Variants in MINDY3 observed in about 807,000 individuals in gnomAD.
MINDY3 encodes MINDY lysine 48 deubiquitinase 3, also known as ubiquitin carboxyl-terminal hydrolase MINDY-3.
In MINDY3, 38 loss-of-function variants were observed where a neutral mutation model predicts 69.2. The observed-to-expected ratio is 0.55, with a 90% CI of 0.42 to 0.72. MINDY3 has a LOEUF of 0.72. Ranked by LOEUF, MINDY3 falls within the 30% of genes least tolerant of loss-of-function variation. The probability of loss-of-function intolerance (pLI) is 0.00; values close to 1 mark genes in which losing one functional copy is unlikely to be tolerated. For missense variants in MINDY3, 522 were observed against 519.0 expected (o/e 1.01, Z -0.06); for synonymous variants, 192 against 180.1 (o/e 1.07, Z -0.53).
intron 1 of MINDY3, among the ~76,000 whole-genome samples, chr10:15,857,585 G>A (rs1249516169): frequency 1.3e-5 from 2 of 151,516 alleles, no homozygotes; most frequent in Admixed American, 1.3e-4. Flanking sequence ...GGAAAGCAGA[G>A]AGAAGAATAA....
At chr10:15,830,256 T>C (rs946483506) in intron 8 of MINDY3, among the ~76,000 whole-genome samples, 3 of 152,208 alleles carry the variant, frequency 2.0e-5, no homozygotes, top group Non-Finnish European at 2.9e-5. Flanking sequence ...GAACCAGTTG[T>C]TGATAAGAGT....
intron 2 of MINDY3, among the ~76,000 whole-genome samples, chr10:15,845,528 C>A (rs1833770298): frequency 6.6e-6 from 1 of 152,056 alleles, no homozygotes; most frequent in African/African-American, 2.4e-5. Context: ...GAAACAGGGT[C>A]TCCCTCTATT....
rs148868668 is a variant in MINDY3, at chr10:15,836,170, T to C, written c.576+1034A>G. On this transcript the variant is annotated intron_variant, in intron 6 of 14. Transcript: ENST00000277632. ...TATGCTACAGTAAGGCTCAACTACT[T>C]AGAGCTCCCCAAACCTGCATTATAC... Among the ~76,000 whole-genome samples the C allele has an allele frequency of 1.9e-3, 292 of 152,108 alleles. 9 individuals carry two copies. The South Asian group carries it at 0.051, about 27-fold the overall frequency.
At chr10:15,848,031 T>A in intron 1 of MINDY3, 88 bp from the exon 2 acceptor site, 2 of 1,033,546 alleles carry the variant, frequency 1.9e-6, no homozygotes, top group South Asian at 1.3e-5. Context: ...TTGAGAATGA[T>A]CACTTATCAC....
Position 15,787,667 on chromosome 10 carries a change from C to G in MINDY3, c.1029-1019G>C, listed in dbSNP as rs116610819. ...GACATAGCCATCTCTCCCGGAAACA[C>G]CTGGGTCAGGCTGCCTCACAGACCT... On this transcript the variant is annotated intron_variant, in intron 12 of 14. Coordinates refer to ENST00000277632, the MANE Select transcript of MINDY3 (RefSeq NM_024948.4). 3.0e-3 allele frequency among the ~76,000 whole-genome samples: 460 copies of G among 152,264 alleles called. 5 individuals are homozygous for G. The highest frequency in any genetic ancestry group is 0.011 in the African/African-American group (442 of 41,566).
chr10:15,791,340 CAACT>C (rs1307658512), intron 11 of MINDY3, among the ~76,000 whole-genome samples: 3 of 151,842 alleles, frequency 2.0e-5, no homozygotes, highest in Non-Finnish European at 2.9e-5. Context: ...GACATTTCAC[CAACT>C]GACTCCCTAG....
At chr10:15,817,661 T>C (rs1386570100) in intron 9 of MINDY3, 2 of 152,366 alleles carry the variant, frequency 1.3e-5, no homozygotes, top group East Asian at 3.9e-4. Flanking sequence ...TCCACTCTCA[T>C]ATGAAGACAG....
intron 12 of MINDY3, among the ~76,000 whole-genome samples, chr10:15,788,308 T>C (rs1214418989): frequency 2.6e-5 from 4 of 152,138 alleles, no homozygotes; most frequent in African/African-American, 9.7e-5. Context: ...TTTCTAACTA[T>C]TGAGAATGGA....
chr10:15,859,929 G>C (rs1015074492), intron 1 of MINDY3, among the ~76,000 whole-genome samples: 13 of 152,212 alleles, frequency 8.5e-5, no homozygotes, highest in African/African-American at 3.1e-4. Flanking sequence ...CTGCAACCCA[G>C]CAAGGGGCCA....
At chr10:15,783,887 T>G (rs570989878) in intron 13 of MINDY3, among the ~76,000 whole-genome samples, 9 of 152,298 alleles carry the variant, frequency 5.9e-5, no homozygotes, top group Admixed American at 5.9e-4. Flanking sequence ...ATATTCCCTA[T>G]TTCCAGTAAT....
intron 11 of MINDY3, among the ~76,000 whole-genome samples, chr10:15,789,774 T>C (rs1837274591): frequency 6.6e-6 from 1 of 152,124 alleles, no homozygotes; most frequent in Admixed American, 6.6e-5. Context: ...CACTGATACT[T>C]AGACAACTGA....
intron 10 of MINDY3, among the ~76,000 whole-genome samples, chr10:15,805,409 C>T (rs945084816): frequency 3.3e-5 from 5 of 152,090 alleles, no homozygotes; most frequent in Non-Finnish European, 7.4e-5. Context: ...AATAGTTATA[C>T]TGGTAATACA....
At chr10:15,827,430 A>G (rs1212009980) in intron 8 of MINDY3, among the ~76,000 whole-genome samples, 1 of 151,702 alleles carries the variant, frequency 6.6e-6, no homozygotes, top group African/African-American at 2.4e-5. Context: ...AATCCCAGCT[A>G]CTCGGGAGGC....
intron 8 of MINDY3, among the ~76,000 whole-genome samples, chr10:15,827,941 C>T (rs1033601962): frequency 1.3e-5 from 2 of 152,182 alleles, no homozygotes; most frequent in Non-Finnish European, 2.9e-5. Context: ...CTCTCCTACA[C>T]ACTTCAAAGA....
At chr10:15,842,171 C>G (rs1450128083) in intron 3 of MINDY3, among the ~76,000 whole-genome samples, 29 of 151,770 alleles carry the variant, frequency 1.9e-4, no homozygotes, top group Admixed American at 1.9e-3. Flanking sequence ...CTCAGACCAT[C>G]TCTTTATGAA....
chr10:15,853,043 T>C (rs1201504119), intron 1 of MINDY3, among the ~76,000 whole-genome samples: 1 of 152,008 alleles, frequency 6.6e-6, no homozygotes, highest in Non-Finnish European at 1.5e-5. Flanking sequence ...TCTATGGATT[T>C]TGGTATCTGC....
At position 15,837,288 on chromosome 10, in the gene MINDY3, T is replaced by C; in HGVS notation, c.492A>G (p.Leu164=). 6.2e-7 allele frequency: 1 copy of C among 1,605,334 alleles called. No homozygotes were observed. Among genetic ancestry groups the C allele is most frequent in the Non-Finnish European group, 8.5e-7 (1 of 1,176,090 alleles). ...QKRSFRSLPE[L]KDAVLDQYSM... ...AATACTGGTCCAAGACAGCATCTTTTAATTCTGGTAAACTTCTGAACGATC... is the reference window on the plus strand; with the variant it reads ...AATACTGGTCCAAGACAGCATCTTTCAATTCTGGTAAACTTCTGAACGATC... The change falls in exon 6 of 15, where the codon TTA becomes TTG. Residue 164 remains leucine, a synonymous_variant. Transcript: ENST00000277632.
intron 11 of MINDY3, among the ~76,000 whole-genome samples, chr10:15,791,419 CAG>C (rs1207659495): frequency 6.6e-6 from 1 of 151,854 alleles, no homozygotes; most frequent in African/African-American, 2.4e-5. Flanking sequence ...AAGGAAATCT[CAG>C]AGAATACCAT....
Position 15,786,131 on chromosome 10 carries a change from C to T in MINDY3, c.1116+430G>A, listed in dbSNP as rs140053936. The stretch of plus-strand genomic sequence containing the variant: ...GTGGAAGACATGTCCCAATGGGAAA[C>T]GGCCCAGACCCACTTAGGTTTTAAT... On this transcript the variant is annotated intron_variant, in intron 13 of 14. Coordinates refer to ENST00000277632, the MANE Select transcript of MINDY3 (RefSeq NM_024948.4). Among the ~76,000 whole-genome samples, 477 of 152,236 alleles carry T rather than the reference C, an allele frequency of 3.1e-3. 3 individuals are homozygous for T. The highest frequency in any genetic ancestry group is 0.011 in the African/African-American group (451 of 41,530).
Sources: allele counts gnomAD v4.1 joint callset (sites outside exome capture counted in the v4.1 genomes callset), GRCh38; gene constraint gnomAD v4.1.1; transcripts MANE v1.5; gene names NCBI Gene and HGNC (gene_info 2026-07-23, HGNC 2026-07-21).